The following FBXL17 variants were observed in gnomAD, a reference collection of about 807,000 sequenced individuals.
The protein encoded by FBXL17 is F-box/LRR-repeat protein 17.
FBXL17 carries 22 observed loss-of-function variants against 66.2 expected under a neutral mutation model. That is an observed-to-expected ratio of 0.33 (90% confidence interval 0.24 to 0.47). FBXL17 has a LOEUF of 0.47. Among genes scored for constraint, FBXL17 ranks in the 20% least tolerant of loss-of-function variants. FBXL17 has a pLI of 1.00. For missense variants in FBXL17, 878 were observed against 948.2 expected, an observed-to-expected ratio of 0.93 and a Z score of 0.97; for synonymous variants, 474 against 400.5, an observed-to-expected ratio of 1.18 and a Z score of -2.19.
intron 7 of FBXL17, among the ~76,000 whole-genome samples, chr5:107,910,957 G>A (rs977993280): frequency 6.6e-6 from 1 of 152,030 alleles, no homozygotes; most frequent in South Asian, 2.1e-4. Context: ...CTATAAATAC[G>A]TCCTTTGTCT....
At chr5:108,031,488 T>C (rs888163156) in intron 6 of FBXL17, among the ~76,000 whole-genome samples, 5 of 152,048 alleles carry the variant, frequency 3.3e-5, no homozygotes, top group Non-Finnish European at 7.4e-5. Context: ...TTATGCATAA[T>C]ATCATAGGAG....
At chr5:108,028,622 A>G (rs890249270) in intron 6 of FBXL17, among the ~76,000 whole-genome samples, 5 of 152,126 alleles carry the variant, frequency 3.3e-5, no homozygotes, top group East Asian at 1.9e-4. Context: ...CTGTGCTTCA[A>G]TACTAGTTTT....
chr5:108,372,562 C>A (rs1193589547), intron 1 of FBXL17, among the ~76,000 whole-genome samples: 1 of 152,172 alleles, frequency 6.6e-6, no homozygotes, highest in African/African-American at 2.4e-5. Flanking sequence ...ACACTCAATA[C>A]AATCAACAAC....
intron 4 of FBXL17, among the ~76,000 whole-genome samples, chr5:108,337,873 G>T (rs1413448328): frequency 6.6e-6 from 1 of 151,966 alleles, no homozygotes; most frequent in East Asian, 1.9e-4. Flanking sequence ...TAGTTTATGA[G>T]TGAATTCAGA....
chr5:108,169,175 CA>C (rs919842159), intron 6 of FBXL17, among the ~76,000 whole-genome samples: 2 of 151,986 alleles, frequency 1.3e-5, no homozygotes, highest in African/African-American at 4.8e-5. Context: ...AGCTATCACA[CA>C]AAAAAGCTCC....
At chr5:108,086,475 C>T (rs999366336) in intron 6 of FBXL17, among the ~76,000 whole-genome samples, 4 of 152,186 alleles carry the variant, frequency 2.6e-5, no homozygotes, top group Non-Finnish European at 5.9e-5. Flanking sequence ...CTGAAGGCTC[C>T]ATGTCACATA....
chr5:108,147,793 A>G (rs906261480), intron 6 of FBXL17, among the ~76,000 whole-genome samples: 6 of 152,180 alleles, frequency 3.9e-5, no homozygotes, highest in Admixed American at 3.3e-4. Context: ...AGATATTAAA[A>G]CCTGCCAGAA....
Position 108,255,532 on chromosome 5 carries a change from T to C in FBXL17, c.1507-31304A>G, listed in dbSNP as rs539197158. On this transcript the variant is annotated intron_variant, in intron 4 of 8. Transcript: ENST00000542267. ...TTTTTAATTCATCATCAATAGGCTT[T>C]CCTGGTTTATGGAAATTTAACAGAA... is the stretch of plus-strand genomic sequence containing the variant. 1.8e-4 allele frequency among the ~76,000 whole-genome samples: 28 copies of C among 152,284 alleles called. 1 individual carries two copies. The South Asian group carries it at 5.8e-3, about 32-fold the overall frequency.
intron 7 of FBXL17, among the ~76,000 whole-genome samples, chr5:108,018,358 C>G (rs931070316): frequency 2.6e-5 from 4 of 152,164 alleles, no homozygotes; most frequent in African/African-American, 9.6e-5. Flanking sequence ...GGGACACAGT[C>G]TCTCCAGCAG....
chr5:107,893,977 A>C (rs957417672), intron 7 of FBXL17, among the ~76,000 whole-genome samples: 2 of 152,192 alleles, frequency 1.3e-5, no homozygotes, highest in African/African-American at 2.4e-5. Flanking sequence ...TGGACATAAC[A>C]TTAACAGTTG....
intron 4 of FBXL17, among the ~76,000 whole-genome samples, chr5:108,337,786 T>C (rs1348015786): frequency 6.6e-6 from 1 of 151,042 alleles, no homozygotes; most frequent in Non-Finnish European, 1.5e-5. Context: ...ATTTCTTAAA[T>C]GATAAAAATA....
intron 4 of FBXL17, among the ~76,000 whole-genome samples, chr5:108,228,015 T>A (rs141858637): frequency 5.4e-4 from 82 of 152,256 alleles, no homozygotes; most frequent in African/African-American, 1.8e-3. Context: ...CAGATGAGGA[T>A]TAAGGACACA....
chr5:107,991,419 T>C (rs1322033971), intron 7 of FBXL17, among the ~76,000 whole-genome samples: 1 of 152,218 alleles, frequency 6.6e-6, no homozygotes. Flanking sequence ...AGAGATGGCC[T>C]GAGTGAGTCC....
chr5:108,145,237 A>T (rs1423154701), intron 6 of FBXL17, among the ~76,000 whole-genome samples: 2 of 152,184 alleles, frequency 1.3e-5, no homozygotes, highest in African/African-American at 2.4e-5. Flanking sequence ...TACTTCTGTC[A>T]TTACAAGTAA....
chr5:108,058,404 C>A (rs527760881), intron 6 of FBXL17, among the ~76,000 whole-genome samples: 1 of 28,478 alleles, frequency 3.5e-5, no homozygotes, highest in Non-Finnish European at 7.4e-5. Flanking sequence ...TTCTTTCCTT[C>A]TTTCTTTCTC....
intron 4 of FBXL17, among the ~76,000 whole-genome samples, chr5:108,278,410 T>C (rs1366654093): frequency 1.3e-5 from 2 of 152,218 alleles, no homozygotes; most frequent in African/African-American, 4.8e-5. Context: ...GGCTGCTGCA[T>C]GCAGAACAGA....
At chr5:108,241,188 G>T (rs1755839944) in intron 4 of FBXL17, among the ~76,000 whole-genome samples, 1 of 152,184 alleles carries the variant, frequency 6.6e-6, no homozygotes, top group Admixed American at 6.5e-5. Flanking sequence ...GTGAGACAGA[G>T]ATACGTGACC....
chr5:107,945,837 G>A (rs978273879), intron 7 of FBXL17, among the ~76,000 whole-genome samples: 11 of 152,002 alleles, frequency 7.2e-5, no homozygotes, highest in African/African-American at 2.4e-5. Context: ...TTAAGCTAAG[G>A]TATACTGATG....
intron 4 of FBXL17, among the ~76,000 whole-genome samples, chr5:108,280,984 T>C (rs1757680509): frequency 6.6e-6 from 1 of 151,840 alleles, no homozygotes; most frequent in South Asian, 2.1e-4. Flanking sequence ...ATTCTAAATA[T>C]ATATATGCTC....
Sources: gnomAD v4.1 joint callset for allele counts (sites outside exome capture counted in the v4.1 genomes callset) on GRCh38, gnomAD v4.1.1 for gene constraint, MANE v1.5 for transcripts, NCBI Gene and HGNC (gene_info 2026-07-23, HGNC 2026-07-21) for gene names.